ARID4B: variants seen among roughly 807,000 people sequenced by gnomAD.
The protein encoded by ARID4B is AT-rich interaction domain 4B, also known as AT-rich interactive domain-containing protein 4B.
In ARID4B, 26 loss-of-function variants were observed where a neutral mutation model predicts 147.5. The observed-to-expected ratio is 0.18, with a 90% CI of 0.13 to 0.24. The LOEUF is 0.24. ARID4B is among the 10% of genes least tolerant of loss of function. ARID4B has a pLI of 1.00. For synonymous variants in ARID4B, 512 were observed against 507.9 expected (o/e 1.01, Z -0.11); for missense variants, 1,179 against 1,511.5 (o/e 0.78, Z 3.65).
At chr1:235,228,244 A>G (rs1667955864) in intron 11 of ARID4B, 1 of 149,638 alleles carries the variant, frequency 6.7e-6, no homozygotes, top group African/African-American at 2.5e-5. Flanking sequence ...AGCTGTCAAC[A>G]TGGTAATGAA....
chr1:235,281,711 GAAAAACAAAAAC>G (rs1261860026), intron 2 of ARID4B, among the ~76,000 whole-genome samples: 1 of 152,036 alleles, frequency 6.6e-6, no homozygotes, highest in Non-Finnish European at 1.5e-5. Context: ...GCCTGCCTCA[GAAAAACAAAAAC>G]AAAAACAAAA....
chr1:235,244,858 A>C (rs887741430), intron 7 of ARID4B, among the ~76,000 whole-genome samples: 1 of 152,180 alleles, frequency 6.6e-6, no homozygotes, highest in African/African-American at 2.4e-5. Flanking sequence ...TGTTGCAGAA[A>C]ATCACTTTGA....
intron 7 of ARID4B, among the ~76,000 whole-genome samples, chr1:235,242,372 C>T (rs530618052): frequency 6.6e-6 from 1 of 152,248 alleles, no homozygotes; most frequent in South Asian, 2.1e-4. Flanking sequence ...AGACCCTACA[C>T]ATAGACACAC....
chr1:235,268,547 G>T (rs1028340910), intron 2 of ARID4B, among the ~76,000 whole-genome samples: 2 of 152,080 alleles, frequency 1.3e-5, no homozygotes, highest in African/African-American at 4.8e-5. Flanking sequence ...ATTTTTAATT[G>T]AGATGGAGTC....
At chr1:235,324,924 A>G (rs1244619998) in intron 2 of ARID4B, among the ~76,000 whole-genome samples, 1 of 152,198 alleles carries the variant, frequency 6.6e-6, no homozygotes, top group Non-Finnish European at 1.5e-5. Context: ...AAAAATAAAA[A>G]AGAACGAAAG....
At position 235,242,593 on chromosome 1, in the gene ARID4B, T is replaced by G. The variant is rs538699082; in HGVS notation, c.447-2142A>C. Among the ~76,000 whole-genome samples the G allele has an allele frequency of 2.0e-5, 3 of 152,318 alleles. No individual in the cohort carries two copies. In the South Asian group the frequency reaches 6.2e-4, roughly 32 times the overall value. ...ATCAGTAGCAGCTAGAAAGCTACAATGTCAGAGATAACACATATCAAAATC... is the reference window on the plus strand; with the variant it reads ...ATCAGTAGCAGCTAGAAAGCTACAAGGTCAGAGATAACACATATCAAAATC... On this transcript the variant is annotated intron_variant, in intron 7 of 23. Transcript: ENST00000264183.
chr1:235,252,167 C>G (rs1281643229), intron 6 of ARID4B, among the ~76,000 whole-genome samples: 1 of 152,130 alleles, frequency 6.6e-6, no homozygotes, highest in Non-Finnish European at 1.5e-5. Flanking sequence ...AGAAGATATA[C>G]AAAGTCTCTG....
At chr1:235,257,008 T>C in intron 4 of ARID4B, 152 bp downstream of exon 4, 1 of 625,878 alleles carries the variant, frequency 1.6e-6, no homozygotes, top group Middle Eastern at 4.3e-4. Flanking sequence ...CCTTAGTCAC[T>C]GAGATTAAGT....
At chr1:235,306,157 T>C (rs140139777) in intron 2 of ARID4B, among the ~76,000 whole-genome samples, 15 of 152,128 alleles carry the variant, frequency 9.9e-5, no homozygotes, top group African/African-American at 2.4e-4. Context: ...TGATGACAGT[T>C]AGTTTGAGAT....
intron 2 of ARID4B, among the ~76,000 whole-genome samples, chr1:235,283,347 T>A (rs1671782643): frequency 6.6e-6 from 1 of 152,196 alleles, no homozygotes; most frequent in Admixed American, 6.5e-5. Context: ...GTAACCAACA[T>A]AAACTTACCT....
At chr1:235,249,004 G>A (rs1291492182) in intron 6 of ARID4B, among the ~76,000 whole-genome samples, 3 of 152,210 alleles carry the variant, frequency 2.0e-5, no homozygotes, top group African/African-American at 4.8e-5. Flanking sequence ...CTTCTCTAGA[G>A]TTTTCAATTG....
intron 14 of ARID4B, among the ~76,000 whole-genome samples, chr1:235,221,287 A>G (rs1327181935): frequency 6.6e-6 from 1 of 152,266 alleles, no homozygotes; most frequent in Non-Finnish European, 1.5e-5. Context: ...TGGCAGAACT[A>G]GGATTCAAAT....
intron 7 of ARID4B, among the ~76,000 whole-genome samples, chr1:235,243,843 G>A (rs892934752): frequency 6.6e-6 from 1 of 152,068 alleles, no homozygotes; most frequent in Non-Finnish European, 1.5e-5. Context: ...ACCTATGTAC[G>A]CTTAACTATA....
chr1:235,277,753 C>T (rs1463724737), intron 2 of ARID4B, among the ~76,000 whole-genome samples: 6 of 152,134 alleles, frequency 3.9e-5, no homozygotes, highest in Admixed American at 3.3e-4. Flanking sequence ...TACTACCTCA[C>T]ACTAAATGGA....
intron 20 of ARID4B, among the ~76,000 whole-genome samples, 195 bp from the exon 21 acceptor site, chr1:235,178,108 A>T (rs1664020236): frequency 6.6e-6 from 1 of 152,184 alleles, no homozygotes; most frequent in Non-Finnish European, 1.5e-5. Context: ...ACATAATAAA[A>T]GTCAGGGTTT....
intron 2 of ARID4B, among the ~76,000 whole-genome samples, chr1:235,308,564 C>A (rs558104323): frequency 6.6e-6 from 1 of 152,070 alleles, no homozygotes; most frequent in African/African-American, 2.4e-5. Flanking sequence ...CAGCTCACTG[C>A]AACCTCCCTG....
At chr1:235,223,762 T>C (rs151096385) in intron 12 of ARID4B, among the ~76,000 whole-genome samples, 1,534 of 144,992 alleles carry the variant, frequency 0.011, 23 homozygotes, top group African/African-American at 0.033. Context: ...GAGAAAGTGG[T>C]AGAGGAGGTA....
chr1:235,258,833 C>G (rs1670134984), intron 3 of ARID4B, among the ~76,000 whole-genome samples: 1 of 152,162 alleles, frequency 6.6e-6, no homozygotes, highest in Non-Finnish European at 1.5e-5. Flanking sequence ...AAGCTACTTA[C>G]AGATGGAGAC....
At chr1:235,193,988 A>ACG (rs1553285774) in intron 19 of ARID4B, 25 bp downstream of exon 19, 2 of 1,500,466 alleles carry the variant, frequency 1.3e-6, no homozygotes, top group Non-Finnish European at 1.8e-6. Flanking sequence ...AAATACTTGC[A>ACG]CAACAGAACG....
Sources: allele counts gnomAD v4.1 joint callset (sites outside exome capture counted in the v4.1 genomes callset), GRCh38; gene constraint gnomAD v4.1.1; transcripts MANE v1.5; gene names NCBI Gene and HGNC (gene_info 2026-07-23, HGNC 2026-07-21).